The following FNDC3B variants were observed in gnomAD, a reference collection of about 807,000 sequenced individuals.
The protein encoded by FNDC3B is fibronectin type III domain-containing protein 3B.
A neutral mutation model predicts 151.5 loss-of-function variants in FNDC3B; 12 were observed. That is an observed-to-expected ratio of 0.08 (90% CI 0.05 to 0.13). The LOEUF is 0.13. Ranked by LOEUF, FNDC3B falls within the 10% of genes least tolerant of loss-of-function variation. The pLI, the probability that FNDC3B is intolerant of heterozygous loss-of-function variation, is 1.00. For missense variants in FNDC3B, 1,214 were observed against 1,505.3 expected (o/e 0.81, Z 3.20); for synonymous variants, 528 against 549.0 (o/e 0.96, Z 0.54).
chr3:172,041,494 T>C (rs1308669359), intron 1 of FNDC3B, among the ~76,000 whole-genome samples: 4 of 146,414 alleles, frequency 2.7e-5, no homozygotes, highest in African/African-American at 1.0e-4. Flanking sequence ...TCTTCTTCTT[T>C]TTTTTTTTTT....
At chr3:172,387,008 G>T (rs1239398882) in intron 25 of FNDC3B, among the ~76,000 whole-genome samples, 1 of 152,088 alleles carries the variant, frequency 6.6e-6, no homozygotes, top group Non-Finnish European at 1.5e-5. Flanking sequence ...CCAGGCTGGA[G>T]TACAGTAGCA....
At chr3:172,299,724 A>C (rs915610532) in intron 9 of FNDC3B, among the ~76,000 whole-genome samples, 2 of 152,104 alleles carry the variant, frequency 1.3e-5, no homozygotes, top group Non-Finnish European at 2.9e-5. Flanking sequence ...AATTTACATC[A>C]TGAGTTTCTT....
chr3:172,113,100 A>G (rs928539018), intron 2 of FNDC3B, among the ~76,000 whole-genome samples: 2 of 152,188 alleles, frequency 1.3e-5, no homozygotes, highest in Non-Finnish European at 2.9e-5. Flanking sequence ...TGTGGAATAG[A>G]GTTATTTGTG....
In FNDC3B at chr3:172,077,455, G is replaced by A. The variant is rs75124627; in HGVS notation, c.-28-34997G>A. Among the ~76,000 whole-genome samples the A allele has an allele frequency of 3.1e-3, 476 of 152,326 alleles. 4 individuals carry two copies. The highest frequency in any genetic ancestry group is 0.011 in the African/African-American group (456 of 41,568). ...CCAGCGGTGTGAAAATCATTATGGAGTGGTGTTTTCACACAGGCCTCTTCC... is the reference window on the plus strand; with the variant it reads ...CCAGCGGTGTGAAAATCATTATGGAATGGTGTTTTCACACAGGCCTCTTCC... On this transcript the variant is annotated intron_variant, in intron 1 of 25. Transcript: ENST00000415807.
intron 3 of FNDC3B, among the ~76,000 whole-genome samples, chr3:172,226,202 G>C (rs1371547905): frequency 6.6e-6 from 1 of 151,688 alleles, no homozygotes; most frequent in African/African-American, 2.4e-5. Context: ...CTACTCGGGG[G>C]GCTGAGGCAG....
intron 1 of FNDC3B, among the ~76,000 whole-genome samples, chr3:172,084,559 T>C (rs12635885): frequency 0.64 from 97,058 of 151,530 alleles, 31,239 homozygotes; most frequent in East Asian, 0.78. Flanking sequence ...ACCACTAAAA[T>C]AGTGTTATTA....
At chr3:172,363,902 A>G (rs559936135) in intron 23 of FNDC3B, among the ~76,000 whole-genome samples, 1 of 152,324 alleles carries the variant, frequency 6.6e-6, no homozygotes, top group East Asian at 1.9e-4. Flanking sequence ...AGAGGAAAAA[A>G]TTGCTTTGGG....
At chr3:172,138,063 C>A (rs1401882271) in intron 3 of FNDC3B, among the ~76,000 whole-genome samples, 4 of 152,154 alleles carry the variant, frequency 2.6e-5, no homozygotes, top group Non-Finnish European at 4.4e-5. Context: ...CTACACATGC[C>A]ATCTCTTTAT....
chr3:172,068,196 C>T (rs1717596613), intron 1 of FNDC3B, among the ~76,000 whole-genome samples: 1 of 152,186 alleles, frequency 6.6e-6, no homozygotes. Flanking sequence ...TTCTGGGCTC[C>T]TGCAGAGGGC....
chr3:172,367,117 G>A (rs540332682), intron 23 of FNDC3B, among the ~76,000 whole-genome samples: 171 of 152,110 alleles, frequency 1.1e-3, no homozygotes, highest in Non-Finnish European at 2.0e-3. Context: ...TAGGACATTT[G>A]TTTCCCATTT....
At chr3:172,388,847 G>A (rs553160966) in intron 25 of FNDC3B, among the ~76,000 whole-genome samples, 1 of 152,306 alleles carries the variant, frequency 6.6e-6, no homozygotes, top group South Asian at 2.1e-4. Context: ...GGCAGGGAAA[G>A]TACAGTCAAG....
chr3:172,325,378 C>T (rs1385031200), intron 11 of FNDC3B, among the ~76,000 whole-genome samples: 11 of 152,174 alleles, frequency 7.2e-5, no homozygotes, highest in Admixed American at 7.2e-4. Context: ...CATTTACCAT[C>T]TCTAAAACTT....
intron 2 of FNDC3B, among the ~76,000 whole-genome samples, chr3:172,119,786 C>T (rs1031422869): frequency 8.5e-5 from 13 of 152,084 alleles, no homozygotes; most frequent in African/African-American, 1.2e-4. Flanking sequence ...TTCTCCAGTC[C>T]GAAGGTCCAC....
intron 3 of FNDC3B, among the ~76,000 whole-genome samples, chr3:172,194,618 G>T (rs188381489): frequency 6.6e-6 from 1 of 152,156 alleles, no homozygotes. Context: ...CATATACATA[G>T]CTTCACATTA....
chr3:172,110,212 A>C (rs1719889799), intron 1 of FNDC3B, among the ~76,000 whole-genome samples: 1 of 152,184 alleles, frequency 6.6e-6, no homozygotes, highest in Non-Finnish European at 1.5e-5. Flanking sequence ...AGGAATGCCT[A>C]AATATTGTAC....
intron 24 of FNDC3B, among the ~76,000 whole-genome samples, 178 bp downstream of exon 24, chr3:172,378,614 G>T (rs1220192025): frequency 6.6e-6 from 1 of 152,174 alleles, no homozygotes; most frequent in Admixed American, 6.5e-5. Context: ...ACCTTGAAAG[G>T]AAAGGGCCTA....
At chr3:172,162,227 C>T (rs1343648821) in intron 3 of FNDC3B, among the ~76,000 whole-genome samples, 4 of 152,170 alleles carry the variant, frequency 2.6e-5, no homozygotes, top group African/African-American at 9.7e-5. Flanking sequence ...GATCCACCCA[C>T]TTCGGCTTCC....
In FNDC3B at chr3:172,094,088, C is replaced by A. The variant is rs995000677; in HGVS notation, c.-28-18364C>A. Among the ~76,000 whole-genome samples the A allele has an allele frequency of 2.9e-5, 3 of 102,726 alleles. No individual in the cohort carries two copies. In the Admixed American group the frequency reaches 3.1e-4, roughly 11 times the overall value. The allele number at this position is 102,726 out of a possible 152,430, so 67.4% of individuals were successfully genotyped here. A position where few individuals can be genotyped will look rare whatever the true frequency, so the allele number is the denominator to read the frequency against. The stretch of plus-strand genomic sequence containing the variant: ...GGCATTGTGTAACCACCACCACTAG[C>A]AAATTCTAGAACATCGGCATTGTGT... On this transcript the variant is annotated intron_variant, in intron 1 of 25. Coordinates refer to ENST00000415807, the MANE Select transcript of FNDC3B (RefSeq NM_022763.4).
intron 23 of FNDC3B, among the ~76,000 whole-genome samples, chr3:172,368,206 G>A (rs1430624373): frequency 4.0e-5 from 6 of 151,146 alleles, no homozygotes; most frequent in Admixed American, 4.0e-4. Flanking sequence ...GGAGTTTGAG[G>A]TTGCAGTGAG....
Sources: allele counts gnomAD v4.1 joint callset (sites outside exome capture counted in the v4.1 genomes callset), GRCh38; gene constraint gnomAD v4.1.1; transcripts MANE v1.5; gene names NCBI Gene and HGNC (gene_info 2026-07-23, HGNC 2026-07-21).